Variants in ADGRB3 observed in about 807,000 individuals in gnomAD.
The protein encoded by ADGRB3 is brain-specific angiogenesis inhibitor 3.
In ADGRB3, 37 loss-of-function variants were observed where a neutral mutation model predicts 193.4. That is an observed-to-expected ratio of 0.19 (90% confidence interval 0.15 to 0.25). The LOEUF is 0.25. Among genes scored for constraint, ADGRB3 ranks in the 10% least tolerant of loss-of-function variants. The pLI is 1.00. For synonymous variants in ADGRB3, 690 were observed against 644.2 expected, an observed-to-expected ratio of 1.07 and a Z score of -1.08; for missense variants, 1,637 against 1,852.9, an observed-to-expected ratio of 0.88 and a Z score of 2.14.
intron 18 of ADGRB3, among the ~76,000 whole-genome samples, chr6:69,234,378 G>C (rs1368028224): frequency 6.6e-6 from 1 of 152,052 alleles, no homozygotes; most frequent in African/African-American, 2.4e-5. Context: ...TTTAGGGACT[G>C]ATACTGGCAT....
At chr6:69,116,004 G>A (rs2150327558) in intron 17 of ADGRB3, among the ~76,000 whole-genome samples, 1 of 152,232 alleles carries the variant, frequency 6.6e-6, no homozygotes, top group East Asian at 1.9e-4. Flanking sequence ...TGTAGAGTAG[G>A]CTATCGAGCA....
At chr6:68,715,343 G>C (rs1765472705) in intron 3 of ADGRB3, among the ~76,000 whole-genome samples, 1 of 151,250 alleles carries the variant, frequency 6.6e-6, no homozygotes, top group Non-Finnish European at 1.5e-5. Flanking sequence ...TTGTGAAGAA[G>C]GTTTACTGAG....
intron 20 of ADGRB3, among the ~76,000 whole-genome samples, chr6:69,322,654 T>G (rs1200597388): frequency 1.3e-5 from 2 of 151,990 alleles, no homozygotes; most frequent in East Asian, 3.8e-4. Flanking sequence ...GTGTTTGATT[T>G]TATACTAATT....
At chr6:69,237,202 A>C (rs773833385) in intron 19 of ADGRB3, among the ~76,000 whole-genome samples, 3 of 152,008 alleles carry the variant, frequency 2.0e-5, no homozygotes, top group Admixed American at 6.6e-5. Flanking sequence ...GTACTGTATA[A>C]TATTACTGTA....
intron 3 of ADGRB3, among the ~76,000 whole-genome samples, chr6:68,710,677 C>T (rs1765394355): frequency 6.6e-6 from 1 of 152,088 alleles, no homozygotes; most frequent in Non-Finnish European, 1.5e-5. Context: ...CTCTGGCCTT[C>T]CTAAAAGGGA....
intron 17 of ADGRB3, among the ~76,000 whole-genome samples, chr6:69,205,516 C>T (rs924934817): frequency 2.0e-5 from 3 of 151,834 alleles, no homozygotes; most frequent in Non-Finnish European, 2.9e-5. Flanking sequence ...CAGAATACCA[C>T]AGACTGGGTG....
At chr6:68,951,652 G>A (rs1767923086) in intron 6 of ADGRB3, among the ~76,000 whole-genome samples, 1 of 152,130 alleles carries the variant, frequency 6.6e-6, no homozygotes, top group Admixed American at 6.6e-5. Context: ...CAGCTTACCA[G>A]GGAACTCTTT....
chr6:68,908,074 T>A (rs1430666059), intron 3 of ADGRB3, among the ~76,000 whole-genome samples: 1 of 151,958 alleles, frequency 6.6e-6, no homozygotes, highest in Non-Finnish European at 1.5e-5. Flanking sequence ...AATATTAATG[T>A]TTACAATAAT....
At chr6:69,339,242 C>A in intron 25 of ADGRB3, 91 bp from the exon 26 acceptor site, 1 of 1,457,914 alleles carries the variant, frequency 6.9e-7, no homozygotes, top group South Asian at 1.3e-5. Flanking sequence ...GTCTTGGAAC[C>A]ACATACAAAA....
At chr6:68,897,580 G>A (rs1485040444) in intron 3 of ADGRB3, among the ~76,000 whole-genome samples, 1 of 54,658 alleles carries the variant, frequency 1.8e-5, no homozygotes. Context: ...CAAGAAAGAA[G>A]GAAGGGAGGG....
intron 30 of ADGRB3, among the ~76,000 whole-genome samples, chr6:69,378,781 A>G (rs970969701): frequency 6.6e-6 from 1 of 152,022 alleles, no homozygotes; most frequent in Admixed American, 6.6e-5. Context: ...GCATATTCCA[A>G]GTATTTTAAA....
intron 20 of ADGRB3, among the ~76,000 whole-genome samples, chr6:69,294,042 G>T (rs966495752): frequency 6.6e-6 from 1 of 152,146 alleles, no homozygotes; most frequent in African/African-American, 2.4e-5. Context: ...TCTCTTGGAT[G>T]TATCACTGTT....
intron 24 of ADGRB3, among the ~76,000 whole-genome samples, chr6:69,335,772 A>C (rs752465340): frequency 6.6e-6 from 1 of 152,104 alleles, no homozygotes; most frequent in Non-Finnish European, 1.5e-5. Context: ...ATTTCAGCTT[A>C]TTTGAATATA....
At chr6:68,655,069 G>T (rs78623147) in intron 3 of ADGRB3, among the ~76,000 whole-genome samples, 1 of 150,718 alleles carries the variant, frequency 6.6e-6, no homozygotes, top group African/African-American at 2.4e-5. Flanking sequence ...CATTCTCTTT[G>T]ATCATTGATT....
At chr6:69,159,750 A>G (rs1388649567) in intron 17 of ADGRB3, among the ~76,000 whole-genome samples, 1 of 152,096 alleles carries the variant, frequency 6.6e-6, no homozygotes, top group East Asian at 1.9e-4. Flanking sequence ...TCTCCAATTA[A>G]TATCTATAGC....
At position 69,322,558 on chromosome 6, in the gene ADGRB3, G is replaced by T. The variant is rs373582891; in HGVS notation, c.2815-2314G>T. On this transcript the variant is annotated intron_variant, in intron 20 of 31. Coordinates refer to ENST00000370598, the MANE Select transcript of ADGRB3 (RefSeq NM_001704.3). ...CTAATAGCCATTCTGACTGATATGAGATGGTATCTCACTCACTATTGTTTT... is the reference window on the plus strand; with the variant it reads ...CTAATAGCCATTCTGACTGATATGATATGGTATCTCACTCACTATTGTTTT... Among the ~76,000 whole-genome samples the T allele has an allele frequency of 2.0e-5, 3 of 151,880 alleles. No individual in the cohort carries two copies. In the East Asian group the frequency reaches 5.8e-4, roughly 29 times the overall value.
In ADGRB3 at chr6:69,009,693, C is replaced by T. The variant is rs114789598; in HGVS notation, c.1930-4345C>T. 3.3e-3 allele frequency among the ~76,000 whole-genome samples: 496 copies of T among 152,204 alleles called. 2 individuals carry two copies. Among genetic ancestry groups the T allele is most frequent in the African/African-American group, 0.012 (480 of 41,540 alleles). On this transcript the variant is annotated intron_variant, in intron 11 of 31. Transcript: ENST00000370598. The stretch of plus-strand genomic sequence containing the variant: ...GTTTGTTAAGCCTTTCTGTAGTTCA[C>T]CCTATATTTCTAGTCAGAGTCACTG...
At chr6:69,217,674 C>G (rs1765795915) in intron 17 of ADGRB3, among the ~76,000 whole-genome samples, 1 of 152,146 alleles carries the variant, frequency 6.6e-6, no homozygotes, top group African/African-American at 2.4e-5. Flanking sequence ...CTGAAAGATG[C>G]CATGGGAGAT....
chr6:69,114,749 A>C (rs7752008), intron 17 of ADGRB3, among the ~76,000 whole-genome samples: 33,284 of 152,046 alleles, frequency 0.22, 3,876 homozygotes, highest in Middle Eastern at 0.26. Flanking sequence ...TTTTCCCAAC[A>C]CCATTTATTA....
Sources: gnomAD v4.1 joint callset for allele counts (sites outside exome capture counted in the v4.1 genomes callset) on GRCh38, gnomAD v4.1.1 for gene constraint, MANE v1.5 for transcripts, NCBI Gene and HGNC (gene_info 2026-07-23, HGNC 2026-07-21) for gene names.